The following NR5A2 variants were observed in gnomAD, a reference collection of about 807,000 sequenced individuals.
NR5A2 encodes nuclear receptor subfamily 5 group A member 2, also known as CYP7A promoter-binding factor.
In NR5A2, 26 loss-of-function variants were observed where a neutral mutation model predicts 62.7. That is an observed-to-expected ratio of 0.41 (90% confidence interval 0.30 to 0.58). The LOEUF is 0.58. Ranked by LOEUF, NR5A2 falls within the 20% of genes least tolerant of loss-of-function variation. The pLI, the probability that NR5A2 is intolerant of heterozygous loss-of-function variation, is 0.22. For missense variants in NR5A2, 541 were observed against 669.1 expected (o/e 0.81, Z 2.11); for synonymous variants, 246 against 241.7 (o/e 1.02, Z -0.16).
intron 1 of NR5A2, among the ~76,000 whole-genome samples, chr1:200,031,571 C>CTTTTT (rs530174677): frequency 1.1e-4 from 10 of 89,518 alleles, no homozygotes; most frequent in Non-Finnish European, 2.1e-4. Context: ...TCTTTAACAC[C>CTTTTT]TTTTTTTTTT....
intron 2 of NR5A2, among the ~76,000 whole-genome samples, chr1:200,043,543 G>A (rs1203392126): frequency 6.6e-6 from 1 of 152,192 alleles, no homozygotes; most frequent in Admixed American, 6.5e-5. Flanking sequence ...GTTAACAAAA[G>A]AAGTTGGAAT....
intron 3 of NR5A2, chr1:200,044,166 T>C: frequency 7.9e-6 from 2 of 253,364 alleles, no homozygotes; most frequent in Non-Finnish European, 1.5e-5. Context: ...AAGACTTCCA[T>C]TTCTAACAGT....
At chr1:200,092,871 G>GTTT (rs1216387747) in intron 5 of NR5A2, among the ~76,000 whole-genome samples, 2 of 116,188 alleles carry the variant, frequency 1.7e-5, no homozygotes, top group East Asian at 3.0e-4. Context: ...TAAAAGACAG[G>GTTT]TCTTTTTTTT....
chr1:200,062,227 T>TTGTG (rs6143563), intron 5 of NR5A2, among the ~76,000 whole-genome samples: 7,544 of 145,716 alleles, frequency 0.052, 243 homozygotes, highest in East Asian at 0.13. Flanking sequence ...CTGGCAGATT[T>TTGTG]TGTGTGTGTG....
chr1:200,064,148 CAA>C (rs577974954), intron 5 of NR5A2, among the ~76,000 whole-genome samples: 21 of 100,970 alleles, frequency 2.1e-4, no homozygotes, highest in Non-Finnish European at 1.9e-4. Flanking sequence ...GACTCCATCT[CAA>C]AAAAAAAAAA....
intron 5 of NR5A2, among the ~76,000 whole-genome samples, chr1:200,062,332 C>A (rs565199109): frequency 1.3e-5 from 2 of 152,050 alleles, no homozygotes; most frequent in South Asian, 4.1e-4. Context: ...GAAATGTTGG[C>A]TCATTCTAAG....
chr1:200,131,215 C>T (rs959006920), intron 7 of NR5A2, among the ~76,000 whole-genome samples: 1 of 151,660 alleles, frequency 6.6e-6, no homozygotes, highest in Non-Finnish European at 1.5e-5. Context: ...TAATTAAATG[C>T]AGTATAATAG....
intron 5 of NR5A2, among the ~76,000 whole-genome samples, chr1:200,103,550 T>A (rs895962225): frequency 2.0e-5 from 3 of 152,206 alleles, no homozygotes; most frequent in Admixed American, 2.0e-4. Context: ...AACTAGGATG[T>A]AATAAGAGCT....
intron 5 of NR5A2, among the ~76,000 whole-genome samples, chr1:200,051,686 A>G (rs1447165391): frequency 1.3e-5 from 2 of 152,166 alleles, no homozygotes; most frequent in Non-Finnish European, 2.9e-5. Flanking sequence ...AAAGAGTAGA[A>G]TTCAGAAAAA....
intron 7 of NR5A2, among the ~76,000 whole-genome samples, chr1:200,166,633 G>A (rs1447322107): frequency 6.6e-6 from 1 of 152,078 alleles, no homozygotes; most frequent in South Asian, 2.1e-4. Context: ...AAAACTCCAG[G>A]ACTTTAAAAT....
At position 200,048,906 on chromosome 1, in the gene NR5A2, T is replaced by A; in HGVS notation, c.1110+88T>A. 1 of 1,447,094 alleles carries A rather than the reference T, an allele frequency of 6.9e-7. No homozygotes were observed. Among genetic ancestry groups the A allele is most frequent in the South Asian group, 1.3e-5 (1 of 76,436 alleles). 89.6% of individuals were successfully genotyped at this position (1,447,094 alleles called of 1,614,324 possible). ...ATTAATACATTCTTGGTGCTGAAAATATGTGTTCCTTAATTTTCTACTTTG... is the reference window on the plus strand; with the variant it reads ...ATTAATACATTCTTGGTGCTGAAAAAATGTGTTCCTTAATTTTCTACTTTG... On this transcript the variant is annotated intron_variant, in intron 5 of 7. Coordinates refer to ENST00000367362, the MANE Select transcript of NR5A2 (RefSeq NM_205860.3). This position sits in a 1 kb window ranked among gnomAD's most constrained non-coding sequence, Gnocchi z 4.8.
At chr1:200,046,270 A>C (rs1413267615) in intron 4 of NR5A2, among the ~76,000 whole-genome samples, 2 of 152,228 alleles carry the variant, frequency 1.3e-5, no homozygotes, top group South Asian at 2.1e-4. Context: ...TTGTTGAAAG[A>C]GCAGACCCTA....
In NR5A2 at chr1:200,048,865, CCTAA is replaced by C. The variant is rs1662507465; in HGVS notation, c.1110+51_1110+54del. On this transcript the variant is annotated intron_variant, in intron 5 of 7. Coordinates refer to ENST00000367362, the MANE Select transcript of NR5A2 (RefSeq NM_205860.3). The surrounding 1 kb of genome is among the most constrained non-coding windows in gnomAD (Gnocchi z 4.8). ...CTTACAGCACCCCTTTTAAGAGAGA[CCTAA>C]CTATGTTCCTAATTAATACATTCTT... 1.3e-6 allele frequency: 2 copies of C among 1,584,958 alleles called. No homozygotes were observed. The highest frequency in any genetic ancestry group is 1.4e-5 in the African/African-American group (1 of 74,068).
At chr1:200,074,364 A>G (rs1663901155) in intron 5 of NR5A2, among the ~76,000 whole-genome samples, 1 of 151,368 alleles carries the variant, frequency 6.6e-6, no homozygotes, top group Admixed American at 6.6e-5. Context: ...GGGAGGATTC[A>G]AGACCAACAT....
At position 200,175,198 on chromosome 1, in the gene NR5A2, A is replaced by C. The variant is rs1654363576; in HGVS notation, c.*988A>C. 6.6e-6 allele frequency: 1 copy of C among 152,560 alleles called. No homozygotes were observed. Among genetic ancestry groups the C allele is most frequent in the Non-Finnish European group, 1.5e-5 (1 of 68,040 alleles). The allele number at this position is 152,560 out of a possible 1,614,324, so 9.5% of individuals were successfully genotyped here. On this transcript the variant is annotated 3_prime_UTR_variant, in exon 8 of 8. Transcript: ENST00000367362. Reference sequence around the variant, plus strand: ...TTTTGCTAGGATGTCAAATAGTCACAGTTCTAAGTAGTTGGAAACAAAATT... The same window carrying C: ...TTTTGCTAGGATGTCAAATAGTCACCGTTCTAAGTAGTTGGAAACAAAATT...
At chr1:200,120,521 T>G (rs1018327334) in intron 6 of NR5A2, among the ~76,000 whole-genome samples, 1 of 152,210 alleles carries the variant, frequency 6.6e-6, no homozygotes, top group Non-Finnish European at 1.5e-5. Flanking sequence ...AATCATGGAA[T>G]GTGCCTCAAA....
chr1:200,159,761 C>T (rs1653556071), intron 7 of NR5A2, among the ~76,000 whole-genome samples: 1 of 152,014 alleles, frequency 6.6e-6, no homozygotes, highest in Non-Finnish European at 1.5e-5. Flanking sequence ...AAGTGATTCT[C>T]ATGCCCTAGC....
intron 5 of NR5A2, among the ~76,000 whole-genome samples, chr1:200,062,538 A>G (rs1349500856): frequency 2.6e-5 from 4 of 152,166 alleles, no homozygotes; most frequent in African/African-American, 9.7e-5. Context: ...AATGATATAG[A>G]TTAGTGTTTG....
intron 7 of NR5A2, among the ~76,000 whole-genome samples, chr1:200,121,770 G>C (rs1277786666): frequency 6.6e-6 from 1 of 152,080 alleles, no homozygotes; most frequent in Non-Finnish European, 1.5e-5. Context: ...AACTTCCCTT[G>C]AATGAAAAAA....
Sources: allele counts gnomAD v4.1 joint callset (sites outside exome capture counted in the v4.1 genomes callset), GRCh38; gene constraint gnomAD v4.1.1; non-coding constraint Gnocchi (gnomAD v3.1); transcripts MANE v1.5; gene names NCBI Gene and HGNC (gene_info 2026-07-23, HGNC 2026-07-21).